The following ATP11A variants were observed in gnomAD, a reference collection of about 807,000 sequenced individuals.
The protein encoded by ATP11A is ATPase phospholipid transporting 11A.
In ATP11A, 81 loss-of-function variants were observed where a neutral mutation model predicts 154.4. The ratio of observed to expected loss-of-function variants is 0.52; its 90% CI spans 0.44 to 0.63. ATP11A has a LOEUF of 0.63. Ranked by LOEUF, ATP11A falls within the 30% of genes least tolerant of loss-of-function variation. The pLI, the probability that ATP11A is intolerant of heterozygous loss-of-function variation, is 0.00. For missense variants in ATP11A, 1,316 were observed against 1,474.3 expected, an observed-to-expected ratio of 0.89 and a Z score of 1.76; for synonymous variants, 623 against 585.9, an observed-to-expected ratio of 1.06 and a Z score of -0.91.
intron 1 of ATP11A, among the ~76,000 whole-genome samples, chr13:112,772,108 A>G (rs1477112772): frequency 2.6e-5 from 4 of 152,146 alleles, no homozygotes; most frequent in Admixed American, 6.6e-5. Flanking sequence ...ATTTTTTTTA[A>G]TTTGTTTATT....
At chr13:112,730,790 A>C (rs1234481802) in intron 1 of ATP11A, among the ~76,000 whole-genome samples, 1 of 152,226 alleles carries the variant, frequency 6.6e-6, no homozygotes, top group Non-Finnish European at 1.5e-5. Flanking sequence ...AGGAGGCCTG[A>C]ATGAATCAAG....
At chr13:112,804,734 G>C (rs1158720603) in intron 2 of ATP11A, among the ~76,000 whole-genome samples, 1 of 151,992 alleles carries the variant, frequency 6.6e-6, no homozygotes, top group Non-Finnish European at 1.5e-5. Flanking sequence ...GTTTTATCTT[G>C]AATTCTCTGG....
chr13:112,814,038 TC>T (rs1368579168), intron 5 of ATP11A, among the ~76,000 whole-genome samples: 1 of 151,838 alleles, frequency 6.6e-6, no homozygotes, highest in Non-Finnish European at 1.5e-5. Context: ...AAGTCCAATT[TC>T]TTGATTTTTT....
intron 18 of ATP11A, among the ~76,000 whole-genome samples, chr13:112,853,801 T>C (rs2079844925): frequency 6.6e-6 from 1 of 152,192 alleles, no homozygotes; most frequent in Non-Finnish European, 1.5e-5. Flanking sequence ...TTATATTATT[T>C]AGAGGTACCT....
At chr13:112,802,355 A>G (rs1326606252) in intron 2 of ATP11A, among the ~76,000 whole-genome samples, 5 of 152,126 alleles carry the variant, frequency 3.3e-5, no homozygotes, top group African/African-American at 1.2e-4. Flanking sequence ...CACAAAAAAA[A>G]AAGAAAAGAA....
rs1394962683 is a variant in ATP11A, at chr13:112,886,474, CT to C, written c.*4611del. ...ATGCAGGTCCTTGCATCCTACATTT[CT>C]TTAGGAAGTTACCCATTTGTAACTT... On this transcript the variant is annotated 3_prime_UTR_variant, in exon 30 of 30. Transcript: ENST00000375645. 2 of 152,130 alleles carry C rather than the reference CT, an allele frequency of 1.3e-5. No homozygotes were observed. Among genetic ancestry groups the C allele is most frequent in the East Asian group, 3.9e-4 (2 of 5,168 alleles). The allele number at this position is 152,130 out of a possible 1,614,324, so 9.4% of individuals were successfully genotyped here. A position where few individuals can be genotyped will look rare whatever the true frequency, so the allele number is the denominator to read the frequency against.
chr13:112,821,031 A>T (rs2078784180), intron 8 of ATP11A, among the ~76,000 whole-genome samples: 1 of 152,210 alleles, frequency 6.6e-6, no homozygotes, highest in Non-Finnish European at 1.5e-5. Flanking sequence ...TCGAGAACTG[A>T]TAGTGACCTT....
chr13:112,870,677 C>T (rs2080488482), intron 25 of ATP11A, among the ~76,000 whole-genome samples: 1 of 152,112 alleles, frequency 6.6e-6, no homozygotes, highest in South Asian at 2.1e-4. Flanking sequence ...ACACCCGGCC[C>T]GCTTTTTAAT....
In ATP11A at chr13:112,851,234, G is replaced by A; in HGVS notation, c.1991+16G>A. 1.2e-6 allele frequency: 2 copies of A among 1,607,986 alleles called. No homozygotes were observed. The highest frequency in any genetic ancestry group is 2.7e-5 in the African/African-American group (2 of 74,928). On this transcript the variant is annotated intron_variant, in intron 18 of 29. Coordinates refer to ENST00000375645, the MANE Select transcript of ATP11A (RefSeq NM_015205.3). ...TTGAGGACCGGTAAAGTAAACGCAT[G>A]CATCCCGTCCTGAGAGACAAACTGG... is the stretch of plus-strand genomic sequence containing the variant.
Position 112,690,421 on chromosome 13 carries a change from A to T in ATP11A, c.5A>T (p.Asp2Val). The stretch of plus-strand genomic sequence containing the variant: ...GCGGGAGCGGCCGGAGGAGCCATGG[A>T]CTGCAGCCTCGTGCGGACGCTCGTG... M[D>V]CSLVRTLVHR... The change falls in exon 1 of 30, where the codon GAC becomes GTC. Residue 2 changes from aspartate to valine, a missense_variant. Coordinates refer to ENST00000375645, the MANE Select transcript of ATP11A (RefSeq NM_015205.3). The surrounding 1 kb of genome is among the most constrained non-coding windows in gnomAD (Gnocchi z 5.6). 5.3e-6 allele frequency: 7 copies of T among 1,333,106 alleles called. No homozygotes were observed. The highest frequency in any genetic ancestry group is 6.7e-6 in the Non-Finnish European group (7 of 1,040,326). 82.6% of individuals were successfully genotyped at this position (1,333,106 alleles called of 1,614,324 possible).
intron 1 of ATP11A, among the ~76,000 whole-genome samples, chr13:112,711,858 T>C (rs1887793261): frequency 6.6e-6 from 1 of 152,244 alleles, no homozygotes; most frequent in South Asian, 2.1e-4. Flanking sequence ...CCAGCCTCTC[T>C]GCCTTCTGAA....
intron 1 of ATP11A, among the ~76,000 whole-genome samples, chr13:112,774,120 C>T (rs537513557): frequency 2.0e-5 from 3 of 152,334 alleles, no homozygotes; most frequent in East Asian, 3.9e-4. Context: ...AAGGTTGCAG[C>T]CTCCTAGGAA....
intron 8 of ATP11A, 122 bp from the exon 9 acceptor site, chr13:112,823,223 G>A (rs768422290): frequency 2.7e-4 from 200 of 742,518 alleles, no homozygotes; most frequent in South Asian, 6.7e-4. Flanking sequence ...CTCCGTGTAT[G>A]CCATCTCCTC....
rs2080982362 is a variant in ATP11A, at chr13:112,886,452, C to A, written c.*4586C>A. 1 of 152,260 alleles carries A rather than the reference C, an allele frequency of 6.6e-6. No individual in the cohort carries two copies. Among genetic ancestry groups the A allele is most frequent in the African/African-American group, 2.4e-5 (1 of 41,448 alleles). The allele number at this position is 152,260 out of a possible 1,614,324, so 9.4% of individuals were successfully genotyped here. A position where few individuals can be genotyped will look rare whatever the true frequency, so the allele number is the denominator to read the frequency against. ...ACTCAGTGTCTAACAGCTTGATATG[C>A]AGGTCCTTGCATCCTACATTTCTTT... is the stretch of plus-strand genomic sequence containing the variant. On this transcript the variant is annotated 3_prime_UTR_variant, in exon 30 of 30. Transcript: ENST00000375645.
intron 1 of ATP11A, among the ~76,000 whole-genome samples, chr13:112,693,674 A>G (rs186104766): frequency 3.9e-5 from 6 of 152,216 alleles, no homozygotes; most frequent in African/African-American, 7.2e-5. Flanking sequence ...CTTCTAGGCC[A>G]GGCGCGGTGG....
chr13:112,806,216 A>AT lies in ATP11A; in HGVS notation c.258dup (p.Ile87TyrfsTer2). 6 of 1,611,572 alleles carry AT rather than the reference A, an allele frequency of 3.7e-6. No individual in the cohort carries two copies. Among genetic ancestry groups the AT allele is most frequent in the Non-Finnish European group, 5.1e-6 (6 of 1,178,572 alleles). On this transcript the variant is annotated frameshift_variant, in exon 4 of 30. Coordinates refer to ENST00000375645, the MANE Select transcript of ATP11A (RefSeq NM_015205.3). LOFTEE classifies it high-confidence loss of function. The stretch of plus-strand genomic sequence containing the variant: ...TTACAATTCTCTCTTTCTGCAGTTG[A>AT]TTATTGATACACCCACAAGTCCAGT...
intron 1 of ATP11A, among the ~76,000 whole-genome samples, chr13:112,729,469 A>G (rs1890255031): frequency 6.6e-6 from 1 of 150,504 alleles, no homozygotes; most frequent in African/African-American, 2.5e-5. Context: ...TTGCAGGCCC[A>G]GAGTATCTAA....
intron 1 of ATP11A, among the ~76,000 whole-genome samples, chr13:112,735,168 G>A (rs889600754): frequency 6.6e-6 from 1 of 152,140 alleles, no homozygotes; most frequent in African/African-American, 2.4e-5. Context: ...AGATACACTG[G>A]GGAAAATAAA....
intron 1 of ATP11A, among the ~76,000 whole-genome samples, chr13:112,713,204 G>C (rs1309937500): frequency 1.3e-5 from 2 of 152,154 alleles, no homozygotes; most frequent in African/African-American, 4.8e-5. Context: ...AGACCGGCCT[G>C]GCCAACATGG....
Sources: allele counts gnomAD v4.1 joint callset (sites outside exome capture counted in the v4.1 genomes callset), GRCh38; gene constraint gnomAD v4.1.1; non-coding constraint Gnocchi (gnomAD v3.1); transcripts MANE v1.5; gene names NCBI Gene and HGNC (gene_info 2026-07-23, HGNC 2026-07-21).